FARP1: variants seen among roughly 807,000 people sequenced by gnomAD.
FARP1 encodes the protein FERM, ARHGEF and pleckstrin domain-containing protein 1.
In FARP1, 52 loss-of-function variants were observed where a neutral mutation model predicts 128.8. That is an observed-to-expected ratio of 0.40 (90% CI 0.32 to 0.51). FARP1 has a LOEUF of 0.51. FARP1 is among the 20% of genes least tolerant of loss of function. The probability of loss-of-function intolerance (pLI) is 0.45; values close to 1 mark genes in which losing one functional copy is unlikely to be tolerated. For synonymous variants in FARP1, 580 were observed against 551.8 expected (o/e 1.05, Z -0.72); for missense variants, 1,333 against 1,367.9 (o/e 0.97, Z 0.40).
intron 20 of FARP1, 75 bp downstream of exon 20, chr13:98,438,947 G>C: frequency 6.5e-7 from 1 of 1,537,688 alleles, no homozygotes; most frequent in Admixed American, 1.7e-5. Context: ...GCCGGACCTC[G>C]GCCACCCAAG....
At chr13:98,161,906 A>G (rs147402544) in intron 1 of FARP1, among the ~76,000 whole-genome samples, 413 of 152,180 alleles carry the variant, frequency 2.7e-3, no homozygotes, top group African/African-American at 9.7e-3. Flanking sequence ...CAGCCTCTTA[A>G]GTAGCTGGGA....
At chr13:98,287,378 C>T (rs1452937213) in intron 2 of FARP1, among the ~76,000 whole-genome samples, 6 of 151,508 alleles carry the variant, frequency 4.0e-5, no homozygotes, top group Non-Finnish European at 8.8e-5. Flanking sequence ...TACAGGCGCC[C>T]GCCACCACAC....
chr13:98,251,661 T>C (rs986029318), intron 2 of FARP1, among the ~76,000 whole-genome samples: 15 of 143,392 alleles, frequency 1.0e-4, no homozygotes, highest in Non-Finnish European at 1.6e-4. Context: ...CCAGCCTGAG[T>C]GACAGAGTGA....
intron 25 of FARP1, 72 bp from the exon 26 acceptor site, chr13:98,446,594 G>A: frequency 3.3e-6 from 5 of 1,524,194 alleles, no homozygotes; most frequent in Non-Finnish European, 3.6e-6. Context: ...CCTGTCTGAT[G>A]CGGGGCAGCA....
At chr13:98,259,182 C>G (rs1442540187) in intron 2 of FARP1, among the ~76,000 whole-genome samples, 1 of 152,124 alleles carries the variant, frequency 6.6e-6, no homozygotes, top group African/African-American at 2.4e-5. Context: ...CTGCATGCCA[C>G]TGTCACCCCT....
intron 1 of FARP1, among the ~76,000 whole-genome samples, chr13:98,145,827 A>G (rs1449597751): frequency 1.4e-5 from 2 of 146,782 alleles, no homozygotes; most frequent in African/African-American, 5.1e-5. Flanking sequence ...GGGCCACTGC[A>G]CTCCAGCCTG....
intron 17 of FARP1, among the ~76,000 whole-genome samples, chr13:98,426,580 A>G (rs1891796697): frequency 6.6e-6 from 1 of 152,226 alleles, no homozygotes; most frequent in Non-Finnish European, 1.5e-5. Context: ...GACAGGATCA[A>G]TTGCCACTCA....
intron 2 of FARP1, among the ~76,000 whole-genome samples, chr13:98,278,811 CATTTT>C (rs1349145876): frequency 7.8e-6 from 1 of 128,710 alleles, no homozygotes; most frequent in African/African-American, 4.0e-5. Flanking sequence ...TTTTTCTTAT[CATTTT>C]AATGTTATTT....
chr13:98,271,277 C>G lies in FARP1; in HGVS notation c.171+57864C>G, dbSNP rs142662523. 1.5e-3 allele frequency among the ~76,000 whole-genome samples: 221 copies of G among 152,280 alleles called. 2 individuals are homozygous for G. Among genetic ancestry groups the G allele is most frequent in the African/African-American group, 5.2e-3 (214 of 41,546 alleles). On this transcript the variant is annotated intron_variant, in intron 2 of 26. Transcript: ENST00000319562. ...TGGAAGAGAGAACACATCTACAAAC[C>G]AGCACACGGTGACGACTTTTTTCCA...
At position 98,440,834 on chromosome 13, in the gene FARP1, G is replaced by C. The variant is rs768242472; in HGVS notation, c.2794G>C (p.Glu932Gln). Residue 932 changes from glutamate (E) to glutamine (Q), a missense_variant and splice_region_variant, in exon 24 of 27, where the codon GAG becomes CAG. This residue lies in a region of FARP1 where 1,009 missense variants were observed against 969.8 expected (regional missense o/e 1.04). Coordinates refer to ENST00000319562, the MANE Select transcript of FARP1 (RefSeq NM_005766.4). ...VSMVDFSIAV[E>Q]NQLSGNLLRK... ...CATGGTGGACTTCAGCATCGCAGTG[G>C]AGGTACGCAGGGGCAGGGCAGCTCT... The C allele has an allele frequency of 5.6e-6, 9 of 1,601,046 alleles. No individual in the cohort carries two copies. Among genetic ancestry groups the C allele is most frequent in the Non-Finnish European group, 7.7e-6 (9 of 1,175,126 alleles).
intron 2 of FARP1, among the ~76,000 whole-genome samples, chr13:98,343,552 T>TA (rs1173014187): frequency 2.0e-5 from 3 of 152,230 alleles, no homozygotes; most frequent in Admixed American, 6.5e-5. Flanking sequence ...AAGAAAATGC[T>TA]AAGAGATTTG....
chr13:98,438,795 C>G lies in FARP1; in HGVS notation c.2275-9C>G, dbSNP rs994442577. Reference sequence around the variant, plus strand: ...TCGCAGCCAGCCCTCCGGTCTGTCTCCCCTGCAGGAGTTCATCCGTCTGGG... The same window carrying G: ...TCGCAGCCAGCCCTCCGGTCTGTCTGCCCTGCAGGAGTTCATCCGTCTGGG... On this transcript the variant is annotated splice_polypyrimidine_tract_variant and intron_variant, in intron 19 of 26. Coordinates refer to ENST00000319562, the MANE Select transcript of FARP1 (RefSeq NM_005766.4). 1 of 1,611,662 alleles carries G rather than the reference C, an allele frequency of 6.2e-7. No homozygotes were observed. The highest frequency in any genetic ancestry group is 1.7e-5 in the Admixed American group (1 of 59,996).
At chr13:98,421,520 A>G (rs928216021) in intron 16 of FARP1, among the ~76,000 whole-genome samples, 1 of 152,182 alleles carries the variant, frequency 6.6e-6, no homozygotes, top group African/African-American at 2.4e-5. Context: ...TATGTTCTCA[A>G]ATGGCAGATC....
At chr13:98,217,968 C>G (rs1359299616) in intron 2 of FARP1, among the ~76,000 whole-genome samples, 1 of 152,116 alleles carries the variant, frequency 6.6e-6, no homozygotes, top group African/African-American at 2.4e-5. Context: ...CGTGTTTTCA[C>G]AGCGTGAAGG....
rs540848707 is a variant in FARP1 at position 98,449,077 on chromosome 13, T to C, written c.*760T>C. On this transcript the variant is annotated 3_prime_UTR_variant, in exon 27 of 27. Coordinates refer to ENST00000319562, the MANE Select transcript of FARP1 (RefSeq NM_005766.4). ...ACCGTCCTGTGAGTGGTGTACACAA[T>C]GGGAAGATAATAAGCCGTGGTGTTT... 1.3e-5 allele frequency: 2 copies of C among 152,324 alleles called. No homozygotes were observed. Among genetic ancestry groups the C allele is most frequent in the East Asian group, 3.9e-4 (2 of 5,180 alleles). 9.4% of individuals were successfully genotyped at this position (152,324 alleles called of 1,614,324 possible).
At position 98,453,192 on chromosome 13, in the gene FARP1, C is replaced by G; in HGVS notation, c.*4875C>G. On this transcript the variant is annotated 3_prime_UTR_variant, in exon 27 of 27. Coordinates refer to ENST00000319562, the MANE Select transcript of FARP1 (RefSeq NM_005766.4). ...GGAATTTCAGTGGGATGAAGTTCCTCCACCACTTAGAGAGTATCTAGGGAA... is the reference window on the plus strand; with the variant it reads ...GGAATTTCAGTGGGATGAAGTTCCTGCACCACTTAGAGAGTATCTAGGGAA... 1 of 1,613,550 alleles carries G rather than the reference C, an allele frequency of 6.2e-7. No homozygotes were observed. Among genetic ancestry groups the G allele is most frequent in the Non-Finnish European group, 8.5e-7 (1 of 1,179,806 alleles).
At chr13:98,183,933 G>A (rs1244409634) in intron 1 of FARP1, among the ~76,000 whole-genome samples, 1 of 152,070 alleles carries the variant, frequency 6.6e-6, no homozygotes, top group East Asian at 1.9e-4. Context: ...TGGGCATGGC[G>A]GTTGTTCCCC....
In FARP1 at chr13:98,176,460, A is replaced by G. The variant is rs2139182096; in HGVS notation, c.-24+32968A>G. On this transcript the variant is annotated intron_variant, in intron 1 of 26. Coordinates refer to ENST00000319562, the MANE Select transcript of FARP1 (RefSeq NM_005766.4). This position sits in a 1 kb window ranked among gnomAD's most constrained non-coding sequence, Gnocchi z 6.2. ...CGACTGGGTTTTGGAAGGCCTGGCG[A>G]CATATGAAACACCTGAATGGTATTT... The G allele has an allele frequency of 6.2e-7, 1 of 1,614,244 alleles. No homozygotes were observed. The highest frequency in any genetic ancestry group is 8.5e-7 in the Non-Finnish European group (1 of 1,180,040).
intron 2 of FARP1, among the ~76,000 whole-genome samples, chr13:98,313,188 G>T (rs1209623312): frequency 7.2e-6 from 1 of 139,796 alleles, no homozygotes; most frequent in Admixed American, 7.4e-5. Context: ...CTCTGGAATC[G>T]GGTGGGTCAT....
Sources: allele counts gnomAD v4.1 joint callset (sites outside exome capture counted in the v4.1 genomes callset), GRCh38; gene constraint gnomAD v4.1.1; regional missense constraint gnomAD v4.1.1; non-coding constraint Gnocchi (gnomAD v3.1); transcripts MANE v1.5; gene names NCBI Gene and HGNC (gene_info 2026-07-23, HGNC 2026-07-21).